LRRC49: variants seen among roughly 807,000 people sequenced by gnomAD.
The protein encoded by LRRC49 is leucine rich repeat containing 49, also known as leucine-rich repeat-containing protein 49.
LRRC49 carries 50 observed loss-of-function variants against 83.3 expected under a neutral mutation model. That is an observed-to-expected ratio of 0.60 (90% CI 0.48 to 0.76). LRRC49 has a LOEUF of 0.76. Among genes scored for constraint, LRRC49 ranks in the 30% least tolerant of loss-of-function variants. LRRC49 has a pLI of 0.00. For synonymous variants in LRRC49, 286 were observed against 283.3 expected, an observed-to-expected ratio of 1.01 and a Z score of -0.10; for missense variants, 704 against 809.1, an observed-to-expected ratio of 0.87 and a Z score of 1.58.
chr15:70,986,804 G>A (rs985414424), intron 11 of LRRC49, among the ~76,000 whole-genome samples: 5 of 152,206 alleles, frequency 3.3e-5, no homozygotes, highest in Middle Eastern at 3.4e-3. Flanking sequence ...TTTGAGATAC[G>A]TCTCATCAAT....
chr15:70,975,052 T>A (rs2037157974), intron 9 of LRRC49, among the ~76,000 whole-genome samples: 1 of 152,198 alleles, frequency 6.6e-6, no homozygotes, highest in Non-Finnish European at 1.5e-5. Context: ...TTAATATGGC[T>A]TAAAACAATA....
intron 4 of LRRC49, chr15:70,902,422 G>A (rs933482312): frequency 1.3e-5 from 2 of 152,320 alleles, no homozygotes; most frequent in Non-Finnish European, 1.5e-5. Context: ...TATCAAGAAA[G>A]TCAGGATTGA....
intron 3 of LRRC49, 116 bp downstream of exon 3, chr15:70,896,052 T>C (rs990337175): frequency 4.8e-6 from 3 of 627,492 alleles, no homozygotes; most frequent in Non-Finnish European, 7.9e-6. Flanking sequence ...AAATTGTTCA[T>C]TGGGACCAAA....
chr15:70,895,782 A>C, intron 2 of LRRC49, 67 bp from the exon 3 acceptor site: 1 of 925,938 alleles, frequency 1.1e-6, no homozygotes, highest in Non-Finnish European at 1.7e-6. Flanking sequence ...ATGTTTTTTT[A>C]ATTTATCTTC....
At chr15:71,013,218 A>T (rs2038715958) in intron 14 of LRRC49, among the ~76,000 whole-genome samples, 1 of 152,192 alleles carries the variant, frequency 6.6e-6, no homozygotes, top group South Asian at 2.1e-4. Context: ...TTCACAAAGG[A>T]GAAAACATTT....
chr15:71,033,418 C>A (rs967018531), intron 14 of LRRC49, among the ~76,000 whole-genome samples: 2 of 152,186 alleles, frequency 1.3e-5, no homozygotes, highest in African/African-American at 4.8e-5. Context: ...ACATTCCATG[C>A]TCATGGATAA....
At chr15:71,048,549 C>G (rs1185757938) in intron 15 of LRRC49, among the ~76,000 whole-genome samples, 43 of 152,198 alleles carry the variant, frequency 2.8e-4, no homozygotes, top group Non-Finnish European at 7.4e-5. Flanking sequence ...TGCATTACTT[C>G]CCTTGTAATT....
At position 70,967,827 on chromosome 15, in the gene LRRC49, T is replaced by G. The variant is rs185499068; in HGVS notation, c.921+3895T>G. The stretch of plus-strand genomic sequence containing the variant: ...TATTTAGAAAAACAGGTGGCTGACT[T>G]TGGCCTGTGGCCTAGAGTTTGGCAG... On this transcript the variant is annotated intron_variant, in intron 9 of 15. Coordinates refer to ENST00000260382, the MANE Select transcript of LRRC49 (RefSeq NM_017691.5). Among the ~76,000 whole-genome samples the G allele has an allele frequency of 3.3e-5, 5 of 152,250 alleles. No homozygotes were observed. In the East Asian group the frequency reaches 7.7e-4, roughly 24 times the overall value.
At chr15:71,033,949 G>C (rs1596166064) in intron 14 of LRRC49, among the ~76,000 whole-genome samples, 1 of 152,240 alleles carries the variant, frequency 6.6e-6, no homozygotes, top group East Asian at 1.9e-4. Flanking sequence ...GAAAATCTAG[G>C]CAATACCATT....
At chr15:71,016,934 C>T (rs903895869) in intron 14 of LRRC49, among the ~76,000 whole-genome samples, 1 of 151,770 alleles carries the variant, frequency 6.6e-6, no homozygotes, top group Non-Finnish European at 1.5e-5. Context: ...GGCAAGACTC[C>T]ATCTCTACAA....
chr15:70,933,082 A>T (rs965428252), intron 7 of LRRC49, among the ~76,000 whole-genome samples: 1 of 152,174 alleles, frequency 6.6e-6, no homozygotes, highest in Non-Finnish European at 1.5e-5. Context: ...TGAGCAGAGT[A>T]GGACAAGCAT....
At chr15:71,009,782 C>G in intron 12 of LRRC49, 25 bp from the exon 13 acceptor site, 1 of 1,506,284 alleles carries the variant, frequency 6.6e-7, no homozygotes, top group Non-Finnish European at 9.1e-7. Flanking sequence ...ATGTTCTGAT[C>G]TGTATTTGTG....
At chr15:70,918,404 A>G (rs533443503) in intron 6 of LRRC49, 1 of 152,326 alleles carries the variant, frequency 6.6e-6, no homozygotes, top group South Asian at 2.1e-4. Context: ...GTAACATTAT[A>G]TGTACATGCA....
intron 14 of LRRC49, among the ~76,000 whole-genome samples, chr15:71,029,385 G>A (rs192414685): frequency 1.2e-4 from 18 of 152,258 alleles, no homozygotes; most frequent in African/African-American, 4.3e-4. Flanking sequence ...TGTGGTGTGA[G>A]AGACTGTTAT....
chr15:70,969,014 T>G (rs1167881617), intron 9 of LRRC49, among the ~76,000 whole-genome samples: 1 of 152,216 alleles, frequency 6.6e-6, no homozygotes, highest in Admixed American at 6.5e-5. Context: ...ATTTTGGCTT[T>G]TGTTACCGTT....
At chr15:71,001,966 C>T (rs1045333453) in intron 11 of LRRC49, among the ~76,000 whole-genome samples, 1 of 152,182 alleles carries the variant, frequency 6.6e-6, no homozygotes, top group Non-Finnish European at 1.5e-5. Flanking sequence ...GCTGGGATTA[C>T]AGGCGTGAGC....
At chr15:70,906,244 G>A (rs1275522672) in intron 5 of LRRC49, among the ~76,000 whole-genome samples, 1 of 151,740 alleles carries the variant, frequency 6.6e-6, no homozygotes, top group African/African-American at 2.4e-5. Context: ...CTATAGGCAC[G>A]TGCCACCATG....
Position 70,897,005 on chromosome 15 carries a change from G to T in LRRC49, c.193+1069G>T, listed in dbSNP as rs564972027. On this transcript the variant is annotated intron_variant, in intron 3 of 15. Transcript: ENST00000260382. ...ATTTATAAAGCAAGTATTGTGTGCC[G>T]ATCACTGTTTTAGGTACAGAATTAT... is the stretch of plus-strand genomic sequence containing the variant. Among the ~76,000 whole-genome samples, 16 of 152,202 alleles carry T rather than the reference G, an allele frequency of 1.1e-4. No individual in the cohort carries two copies. The South Asian group carries it at 1.7e-3, about 16-fold the overall frequency.
At chr15:70,923,765 T>G (rs1196792752) in intron 7 of LRRC49, among the ~76,000 whole-genome samples, 1 of 151,840 alleles carries the variant, frequency 6.6e-6, no homozygotes, top group Admixed American at 6.6e-5. Flanking sequence ...TACATCTGCT[T>G]TATCTTCTCT....
Sources: allele counts gnomAD v4.1 joint callset (sites outside exome capture counted in the v4.1 genomes callset), GRCh38; gene constraint gnomAD v4.1.1; transcripts MANE v1.5; gene names NCBI Gene and HGNC (gene_info 2026-07-23, HGNC 2026-07-21).